Variants in RGS6 observed in about 807,000 individuals in gnomAD.
RGS6 encodes regulator of G-protein signaling 6.
A neutral mutation model predicts 78.5 loss-of-function variants in RGS6; 30 were observed. The ratio of observed to expected loss-of-function variants is 0.38; its 90% CI spans 0.29 to 0.52. The LOEUF is 0.52. RGS6 is among the 20% of genes least tolerant of loss of function. The pLI is 0.85. For missense variants in RGS6, 495 were observed against 609.7 expected, an observed-to-expected ratio of 0.81 and a Z score of 1.98; for synonymous variants, 206 against 206.0, an observed-to-expected ratio of 1.00 and a Z score of 0.00.
chr14:72,103,098 A>G (rs1265676634), intron 2 of RGS6, among the ~76,000 whole-genome samples: 1 of 152,158 alleles, frequency 6.6e-6, no homozygotes, highest in African/African-American at 2.4e-5. Flanking sequence ...GCCCTTTCTT[A>G]TCTCTCATAT....
At chr14:72,266,421 G>A (rs936344596) in intron 2 of RGS6, among the ~76,000 whole-genome samples, 3 of 151,980 alleles carry the variant, frequency 2.0e-5, no homozygotes, top group East Asian at 1.9e-4. Context: ...CAGTTATGCC[G>A]TCCTCCCAGT....
chr14:72,291,575 T>C (rs2063581856), intron 2 of RGS6, among the ~76,000 whole-genome samples: 1 of 152,212 alleles, frequency 6.6e-6, no homozygotes, highest in South Asian at 2.1e-4. Context: ...ATCAAGTTCT[T>C]TGAACAAAGC....
chr14:72,454,250 G>A (rs192259543), intron 3 of RGS6, among the ~76,000 whole-genome samples: 43 of 152,274 alleles, frequency 2.8e-4, no homozygotes, highest in Middle Eastern at 3.4e-3. Context: ...CACCTAGCAC[G>A]TCTCAGGGAA....
Position 72,544,155 on chromosome 14 carries a change from AG to A in RGS6, c.1422+4066del, listed in dbSNP as rs555602843. Among the ~76,000 whole-genome samples, 605 of 152,254 alleles carry A rather than the reference AG, an allele frequency of 4.0e-3. 1 individual carries two copies. The highest frequency in any genetic ancestry group is 0.01 in the Middle Eastern group (3 of 294). ...GACCAGGAGCATGCGTGGGAGGGAGAGGGGGCAAGAGGAATCGGGGCCAAGC... is the reference window on the plus strand; with the variant it reads ...GACCAGGAGCATGCGTGGGAGGGAGAGGGGCAAGAGGAATCGGGGCCAAGC... On this transcript the variant is annotated intron_variant, in intron 17 of 17. Transcript: ENST00000553525.
intron 2 of RGS6, among the ~76,000 whole-genome samples, chr14:72,250,323 A>G (rs1324795191): frequency 1.3e-5 from 2 of 149,500 alleles, no homozygotes; most frequent in East Asian, 4.0e-4. Context: ...ATTTTCCTAG[A>G]AGCCTTCTTC....
At chr14:72,111,934 C>G (rs7153007) in intron 2 of RGS6, among the ~76,000 whole-genome samples, 1 of 152,080 alleles carries the variant, frequency 6.6e-6, no homozygotes, top group South Asian at 2.1e-4. Context: ...TTAAAGGAGC[C>G]GGATAGGTTG....
the RGS6 span, among the ~76,000 whole-genome samples, chr14:72,597,859 G>T: frequency 2.0e-5 from 3 of 152,264 alleles, no homozygotes; most frequent in Admixed American, 2.0e-4. Context: ...GGAGGCGGTT[G>T]CCCAGAAAGG....
At chr14:72,213,571 T>A (rs1484425285) in intron 2 of RGS6, among the ~76,000 whole-genome samples, 3 of 152,220 alleles carry the variant, frequency 2.0e-5, no homozygotes, top group African/African-American at 7.2e-5. Context: ...TTCCTGAAGC[T>A]AAGCAAGTGT....
At chr14:72,372,500 T>C (rs1323758701) in intron 3 of RGS6, among the ~76,000 whole-genome samples, 1 of 152,206 alleles carries the variant, frequency 6.6e-6, no homozygotes, top group Non-Finnish European at 1.5e-5. Context: ...TAAGAATTAA[T>C]GGCAGAAACA....
chr14:72,247,582 C>T (rs745347541), intron 2 of RGS6, among the ~76,000 whole-genome samples: 1 of 152,172 alleles, frequency 6.6e-6, no homozygotes, highest in African/African-American at 2.4e-5. Context: ...CCGTAAAATA[C>T]TGATTTCTGT....
At chr14:72,510,482 C>A (rs1459488153) in intron 14 of RGS6, among the ~76,000 whole-genome samples, 1 of 152,194 alleles carries the variant, frequency 6.6e-6, no homozygotes, top group African/African-American at 2.4e-5. Context: ...CTAACACCAG[C>A]ATGTTTCAGT....
chr14:72,477,132 C>T (rs572754051), intron 11 of RGS6: 1 of 351,258 alleles, frequency 2.8e-6, no homozygotes, highest in African/African-American at 2.1e-5. Context: ...GCTGTGGGAG[C>T]TGGAGGAAGG....
At chr14:72,444,991 C>T (rs771313131) in intron 3 of RGS6, among the ~76,000 whole-genome samples, 10 of 151,254 alleles carry the variant, frequency 6.6e-5, no homozygotes, top group Non-Finnish European at 1.2e-4. Flanking sequence ...AGTTGAGCAG[C>T]GAGGACAGGC....
the RGS6 span, among the ~76,000 whole-genome samples, chr14:71,889,059 A>G: frequency 6.6e-6 from 1 of 152,150 alleles, no homozygotes; most frequent in Non-Finnish European, 1.5e-5. Flanking sequence ...ATTGAGAAAG[A>G]AAAATCTAAA....
chr14:72,596,616 G>A, the RGS6 span, among the ~76,000 whole-genome samples: 1 of 152,166 alleles, frequency 6.6e-6, no homozygotes, highest in Non-Finnish European at 1.5e-5. Flanking sequence ...GAGCTGCCCA[G>A]AGGAAGAATT....
chr14:72,024,738 G>T (rs918638383), intron 2 of RGS6, among the ~76,000 whole-genome samples: 6 of 152,190 alleles, frequency 3.9e-5, no homozygotes, highest in Admixed American at 3.9e-4. Flanking sequence ...AAGTGAGTTG[G>T]CAGAGAGGAT....
intron 3 of RGS6, among the ~76,000 whole-genome samples, chr14:72,423,655 C>T (rs1160654920): frequency 1.4e-5 from 2 of 142,392 alleles, no homozygotes; most frequent in Admixed American, 1.4e-4. Context: ...TAGTAACTGA[C>T]ACTGAAGACT....
intron 2 of RGS6, among the ~76,000 whole-genome samples, chr14:72,035,820 C>T (rs1009215518): frequency 5.3e-5 from 8 of 152,110 alleles, no homozygotes; most frequent in Non-Finnish European, 1.2e-4. Context: ...GTGCTCAGCA[C>T]ATCTACATTT....
At chr14:72,216,210 T>C (rs1317046890) in intron 2 of RGS6, among the ~76,000 whole-genome samples, 4 of 152,222 alleles carry the variant, frequency 2.6e-5, no homozygotes, top group African/African-American at 9.6e-5. Context: ...GTTTGTTTCA[T>C]TGACATGCTG....
Sources: gnomAD v4.1 joint callset for allele counts (sites outside exome capture counted in the v4.1 genomes callset) on GRCh38, gnomAD v4.1.1 for gene constraint, MANE v1.5 for transcripts, NCBI Gene and HGNC (gene_info 2026-07-23, HGNC 2026-07-21) for gene names.